PRKCA: variants seen among roughly 807,000 people sequenced by gnomAD.
The protein encoded by PRKCA is protein kinase C alpha type.
PRKCA carries 27 observed loss-of-function variants against 87.0 expected under a neutral mutation model. That is an observed-to-expected ratio of 0.31 (90% CI 0.23 to 0.43). PRKCA has a LOEUF of 0.43. PRKCA is among the 20% of genes least tolerant of loss of function. The pLI is 1.00. For missense variants in PRKCA, 518 were observed against 852.3 expected, an observed-to-expected ratio of 0.61 and a Z score of 4.88; for synonymous variants, 329 against 311.1, an observed-to-expected ratio of 1.06 and a Z score of -0.61.
At chr17:66,370,105 T>C (rs2143528310) in intron 2 of PRKCA, among the ~76,000 whole-genome samples, 2 of 152,326 alleles carry the variant, frequency 1.3e-5, no homozygotes, top group Middle Eastern at 3.4e-3. Flanking sequence ...TCGCCCTACT[T>C]GTTCCCTGTA....
chr17:66,649,120 A>G (rs1056627412), intron 5 of PRKCA, among the ~76,000 whole-genome samples: 2 of 151,986 alleles, frequency 1.3e-5, no homozygotes, highest in Non-Finnish European at 2.9e-5. Flanking sequence ...AAAGAAAGAA[A>G]GAAAAAATAG....
chr17:66,428,132 G>A (rs11079656), intron 2 of PRKCA, among the ~76,000 whole-genome samples: 79,547 of 152,006 alleles, frequency 0.52, 23,302 homozygotes, highest in Non-Finnish European at 0.67. Context: ...CCCGACTCAC[G>A]TGATTCACTT....
intron 8 of PRKCA, among the ~76,000 whole-genome samples, chr17:66,712,911 T>C (rs17689871): frequency 0.25 from 37,522 of 152,074 alleles, 4,971 homozygotes; most frequent in Non-Finnish European, 0.29. Flanking sequence ...TTGTGTTTGC[T>C]GCAGTCATTA....
intron 2 of PRKCA, among the ~76,000 whole-genome samples, chr17:66,367,238 A>G (rs1307003326): frequency 6.6e-6 from 1 of 152,258 alleles, no homozygotes; most frequent in Non-Finnish European, 1.5e-5. Flanking sequence ...GATGTTAGGA[A>G]TTACAAAGAA....
At chr17:66,514,536 A>G (rs915615401) in intron 3 of PRKCA, among the ~76,000 whole-genome samples, 8 of 152,154 alleles carry the variant, frequency 5.3e-5, no homozygotes, top group African/African-American at 1.7e-4. Flanking sequence ...TCATTTAACA[A>G]AATGTCCAGA....
At chr17:66,560,521 A>C (rs1015356052) in intron 3 of PRKCA, among the ~76,000 whole-genome samples, 5 of 151,950 alleles carry the variant, frequency 3.3e-5, no homozygotes, top group African/African-American at 1.2e-4. Flanking sequence ...TTGGGGGAAG[A>C]ATACCACCAA....
At chr17:66,507,714 A>G (rs1433518619) in intron 3 of PRKCA, among the ~76,000 whole-genome samples, 1 of 152,132 alleles carries the variant, frequency 6.6e-6, no homozygotes. Context: ...ATCCGTTTCA[A>G]GTGTCTACAC....
At position 66,391,624 on chromosome 17, in the gene PRKCA, C is replaced by T. The variant is rs573187649; in HGVS notation, c.205+85497C>T. 3.9e-5 allele frequency among the ~76,000 whole-genome samples: 6 copies of T among 152,302 alleles called. No individual in the cohort carries two copies. The South Asian group carries it at 8.3e-4, about 21-fold the overall frequency. On this transcript the variant is annotated intron_variant, in intron 2 of 16. Transcript: ENST00000413366. The stretch of plus-strand genomic sequence containing the variant: ...AGTAGCCAAAACCAAAACCAAAAAA[C>T]AACAGTTTTTTACTTTATTGGACAA...
At position 66,363,429 on chromosome 17, in the gene PRKCA, CT is replaced by C. The variant is rs1274754327; in HGVS notation, c.205+57305del. Among the ~76,000 whole-genome samples the C allele has an allele frequency of 9.9e-5, 15 of 152,184 alleles. 1 individual carries two copies. On this transcript the variant is annotated intron_variant, in intron 2 of 16. Transcript: ENST00000413366. ...GTATTGGCCTTGGGGATTTGCTGTC[CT>C]TTATCCTCGGTAAAGCAAACCAGCC...
At chr17:66,603,962 C>T (rs1281938435) in intron 3 of PRKCA, among the ~76,000 whole-genome samples, 1 of 152,178 alleles carries the variant, frequency 6.6e-6, no homozygotes, top group Non-Finnish European at 1.5e-5. Context: ...AGTTTTAAGA[C>T]TGAATAGTAT....
chr17:66,703,903 A>G (rs377149802), intron 8 of PRKCA: 1 of 152,362 alleles, frequency 6.6e-6, no homozygotes, highest in African/African-American at 2.4e-5. Flanking sequence ...GTGATGTACT[A>G]TACATAATTG....
intron 2 of PRKCA, among the ~76,000 whole-genome samples, chr17:66,423,111 CAA>C (rs140765115): frequency 6.9e-6 from 1 of 144,522 alleles, no homozygotes. Context: ...GACCTTGTCT[CAA>C]AAAAAAAAAG....
chr17:66,596,792 C>T (rs1447249007), intron 3 of PRKCA, among the ~76,000 whole-genome samples: 3 of 72,154 alleles, frequency 4.2e-5, no homozygotes, highest in Non-Finnish European at 7.9e-5. Context: ...CATGTGATCT[C>T]ATTGTTCAAT....
chr17:66,700,845 A>T (rs995285783), intron 8 of PRKCA, among the ~76,000 whole-genome samples: 2 of 152,198 alleles, frequency 1.3e-5, no homozygotes, highest in African/African-American at 2.4e-5. Flanking sequence ...TGGAAGAATT[A>T]ATATTGTCAA....
At chr17:66,574,987 C>T (rs894596146) in intron 3 of PRKCA, among the ~76,000 whole-genome samples, 2 of 152,132 alleles carry the variant, frequency 1.3e-5, no homozygotes, top group South Asian at 2.1e-4. Flanking sequence ...TTTCACTTAT[C>T]GGGAATTTTC....
intron 3 of PRKCA, among the ~76,000 whole-genome samples, chr17:66,608,918 A>G (rs1970279133): frequency 6.6e-6 from 1 of 152,214 alleles, no homozygotes; most frequent in Admixed American, 6.5e-5. Context: ...TTCCCAGGTG[A>G]TCCTGAAAAT....
chr17:66,620,838 A>G (rs749329756), intron 3 of PRKCA, among the ~76,000 whole-genome samples: 1 of 152,222 alleles, frequency 6.6e-6, no homozygotes, highest in African/African-American at 2.4e-5. Flanking sequence ...TTAAGGGGAA[A>G]TAAATCTGTC....
chr17:66,453,322 T>C (rs1180553399), intron 2 of PRKCA, among the ~76,000 whole-genome samples: 4 of 151,820 alleles, frequency 2.6e-5, no homozygotes, highest in East Asian at 1.9e-4. Context: ...TTTTCTTTTT[T>C]TTTTTCTTTT....
At chr17:66,539,228 C>T (rs548558028) in intron 3 of PRKCA, among the ~76,000 whole-genome samples, 5 of 152,252 alleles carry the variant, frequency 3.3e-5, no homozygotes, top group East Asian at 3.9e-4. Flanking sequence ...CACTCTTAAA[C>T]GTCAGGCTGA....
Sources: gnomAD v4.1 joint callset for allele counts (sites outside exome capture counted in the v4.1 genomes callset) on GRCh38, gnomAD v4.1.1 for gene constraint, MANE v1.5 for transcripts, NCBI Gene and HGNC (gene_info 2026-07-23, HGNC 2026-07-21) for gene names.